The following TMEM50A variants were observed in gnomAD, a reference collection of about 807,000 sequenced individuals.
TMEM50A encodes the protein cervical cancer oncogene 9.
TMEM50A carries 8 observed loss-of-function variants against 23.9 expected under a neutral mutation model. The ratio of observed to expected loss-of-function variants is 0.33; its 90% CI spans 0.20 to 0.60. The LOEUF is 0.60. TMEM50A is among the 20% of genes least tolerant of loss of function. The pLI, the probability that TMEM50A is intolerant of heterozygous loss-of-function variation, is 0.81. For missense variants in TMEM50A, 178 were observed against 192.7 expected (o/e 0.92, Z 0.45); for synonymous variants, 55 against 60.4 (o/e 0.91, Z 0.41).
At chr1:25,358,539 T>A (rs1645360615) in intron 6 of TMEM50A, among the ~76,000 whole-genome samples, 1 of 152,358 alleles carries the variant, frequency 6.6e-6, no homozygotes, top group South Asian at 2.1e-4. Context: ...AGCCACCAGT[T>A]GGTATTCACA....
intron 1 of TMEM50A, among the ~76,000 whole-genome samples, chr1:25,339,175 A>G (rs1181074379): frequency 3.9e-5 from 6 of 152,340 alleles, no homozygotes; most frequent in African/African-American, 1.2e-4. Context: ...AAGGAAGTCA[A>G]GTTCGCTGTA....
intron 3 of TMEM50A, among the ~76,000 whole-genome samples, chr1:25,344,829 G>T (rs1232715972): frequency 6.6e-6 from 1 of 151,904 alleles, no homozygotes; most frequent in Non-Finnish European, 1.5e-5. Context: ...TATGTGGAAT[G>T]TAGTAGCCTT....
Sources: gnomAD v4.1 joint callset for allele counts (sites outside exome capture counted in the v4.1 genomes callset) on GRCh38, gnomAD v4.1.1 for gene constraint, MANE v1.5 for transcripts, NCBI Gene and HGNC (gene_info 2026-07-23, HGNC 2026-07-21) for gene names.